CPPED1: variants seen among roughly 807,000 people sequenced by gnomAD.
CPPED1 encodes serine/threonine-protein phosphatase CPPED1.
A neutral mutation model predicts 28.0 loss-of-function variants in CPPED1; 28 were observed. That is an observed-to-expected ratio of 1.00 (90% CI 0.74 to 1.37). The LOEUF is 1.37. CPPED1 is among the 40% of genes most tolerant of loss of function. The pLI is 0.00. For missense variants in CPPED1, 504 were observed against 416.5 expected (o/e 1.21, Z -1.83); for synonymous variants, 198 against 180.2 (o/e 1.10, Z -0.79).
rs149219267 is a variant in CPPED1 at position 12,715,224 on chromosome 16, T to C, written c.290-10175A>G. On this transcript the variant is annotated intron_variant, in intron 2 of 3. Transcript: ENST00000381774. Reference sequence around the variant, plus strand: ...CTAGTAAGTTTGAAATCAGAAACTGTGAGTCTTCCAACTTTATTCTTCCTT... The same window carrying C: ...CTAGTAAGTTTGAAATCAGAAACTGCGAGTCTTCCAACTTTATTCTTCCTT... Among the ~76,000 whole-genome samples the C allele has an allele frequency of 8.5e-5, 13 of 152,328 alleles. No homozygotes were observed. The East Asian group carries it at 2.1e-3, about 25-fold the overall frequency.
intron 1 of CPPED1, among the ~76,000 whole-genome samples, chr16:12,797,518 G>A (rs2080634946): frequency 6.6e-6 from 1 of 151,886 alleles, no homozygotes; most frequent in South Asian, 2.1e-4. Flanking sequence ...TCATGCCACT[G>A]CACTCCAGCA....
At chr16:12,731,980 G>A (rs2080200240) in intron 2 of CPPED1, among the ~76,000 whole-genome samples, 2 of 151,874 alleles carry the variant, frequency 1.3e-5, no homozygotes, top group African/African-American at 4.8e-5. Context: ...CTGGCCAAAA[G>A]GGCAAAACCC....
At chr16:12,772,633 A>G (rs1051342161) in intron 2 of CPPED1, among the ~76,000 whole-genome samples, 1 of 152,174 alleles carries the variant, frequency 6.6e-6, no homozygotes, top group African/African-American at 2.4e-5. Context: ...GATGTCTGGG[A>G]CCCTTTTAAC....
rs2080067093 is a variant in CPPED1 at position 12,709,208 on chromosome 16, T to C, written c.290-4159A>G. ...GAGTTTCCTGTCTCACGCAGGGTTCTATGTTCACAAAAAGAATGTATATAA... is the reference window on the plus strand; with the variant it reads ...GAGTTTCCTGTCTCACGCAGGGTTCCATGTTCACAAAAAGAATGTATATAA... On this transcript the variant is annotated intron_variant, in intron 2 of 3. Coordinates refer to ENST00000381774, the MANE Select transcript of CPPED1 (RefSeq NM_018340.3). The surrounding 1 kb of genome is among the most constrained non-coding windows in gnomAD (Gnocchi z 4.4). Among the ~76,000 whole-genome samples, 1 of 152,088 alleles carries C rather than the reference T, an allele frequency of 6.6e-6. No homozygotes were observed. The highest frequency in any genetic ancestry group is 1.5e-5 in the Non-Finnish European group (1 of 68,026).
At chr16:12,803,602 C>T (rs938373062) in intron 1 of CPPED1, 105 bp downstream of exon 1, 2 of 1,038,298 alleles carry the variant, frequency 1.9e-6, no homozygotes, top group Non-Finnish European at 1.3e-6. Flanking sequence ...CGGTGCAGCC[C>T]CGGATGGTGT....
intron 2 of CPPED1, among the ~76,000 whole-genome samples, chr16:12,762,477 G>A (rs973887224): frequency 2.0e-5 from 3 of 152,186 alleles, no homozygotes; most frequent in Admixed American, 6.5e-5. Flanking sequence ...AGTAGTAGCA[G>A]TAGATAGATA....
At position 12,709,302 on chromosome 16, in the gene CPPED1, G is replaced by A. The variant is rs968987190; in HGVS notation, c.290-4253C>T. ...AAATGGCAAGACATGACTCAGAAGA[G>A]GGGCAGAGAAGGATTGTTCTGGGGT... On this transcript the variant is annotated intron_variant, in intron 2 of 3. Transcript: ENST00000381774. This position sits in a 1 kb window ranked among gnomAD's most constrained non-coding sequence, Gnocchi z 4.4. Among the ~76,000 whole-genome samples, 1 of 152,136 alleles carries A rather than the reference G, an allele frequency of 6.6e-6. No homozygotes were observed. Among genetic ancestry groups the A allele is most frequent in the Non-Finnish European group, 1.5e-5 (1 of 68,030 alleles).
At chr16:12,750,589 C>T (rs568014603) in intron 2 of CPPED1, among the ~76,000 whole-genome samples, 1 of 152,120 alleles carries the variant, frequency 6.6e-6, no homozygotes, top group Non-Finnish European at 1.5e-5. Flanking sequence ...TCACCGATCA[C>T]AGATCACCAT....
At chr16:12,787,822 T>C (rs2080573434) in intron 1 of CPPED1, among the ~76,000 whole-genome samples, 1 of 152,186 alleles carries the variant, frequency 6.6e-6, no homozygotes, top group South Asian at 2.1e-4. Flanking sequence ...AACCCACATT[T>C]ATTATCTTAT....
At chr16:12,713,145 T>C (rs2080088532) in intron 2 of CPPED1, among the ~76,000 whole-genome samples, 1 of 152,044 alleles carries the variant, frequency 6.6e-6, no homozygotes, top group Non-Finnish European at 1.5e-5. Context: ...TTTAAAAAAA[T>C]GTATAAAAAA....
intron 2 of CPPED1, among the ~76,000 whole-genome samples, chr16:12,740,758 T>C (rs542589779): frequency 6.6e-6 from 1 of 151,958 alleles, no homozygotes; most frequent in Non-Finnish European, 1.5e-5. Flanking sequence ...CCTAGCAGAG[T>C]GAACAGCAGG....
chr16:12,691,759 C>G (rs888661202), intron 3 of CPPED1, among the ~76,000 whole-genome samples: 2 of 134,776 alleles, frequency 1.5e-5, no homozygotes, highest in African/African-American at 2.8e-5. Context: ...GGGAATTGAA[C>G]AGTGAGAACA....
At chr16:12,697,332 A>AC (rs1462060758) in intron 3 of CPPED1, among the ~76,000 whole-genome samples, 1 of 152,168 alleles carries the variant, frequency 6.6e-6, no homozygotes, top group East Asian at 1.9e-4. Context: ...GAAGCTGATC[A>AC]CCCAATTATT....
At chr16:12,764,309 T>C (rs529543273) in intron 2 of CPPED1, among the ~76,000 whole-genome samples, 2 of 152,160 alleles carry the variant, frequency 1.3e-5, no homozygotes, top group East Asian at 3.9e-4. Context: ...GTTCAAGCGA[T>C]TCTCGTGCCT....
At chr16:12,799,897 G>C (rs1369967901) in intron 1 of CPPED1, among the ~76,000 whole-genome samples, 1 of 152,192 alleles carries the variant, frequency 6.6e-6, no homozygotes, top group Non-Finnish European at 1.5e-5. Flanking sequence ...ATTTACTCGG[G>C]GCTAAGAAAA....
chr16:12,722,373 G>A (rs1567286499), intron 2 of CPPED1, among the ~76,000 whole-genome samples: 1 of 152,226 alleles, frequency 6.6e-6, no homozygotes, highest in Non-Finnish European at 1.5e-5. Flanking sequence ...CAGGCTGCAG[G>A]GCAGCCAGAC....
chr16:12,732,529 G>A (rs1048840467), intron 2 of CPPED1, among the ~76,000 whole-genome samples: 2 of 149,250 alleles, frequency 1.3e-5, no homozygotes, highest in African/African-American at 2.5e-5. Flanking sequence ...CAGAGAGAGA[G>A]GATGAAATAA....
chr16:12,725,135 A>C (rs1416324604), intron 2 of CPPED1, among the ~76,000 whole-genome samples: 1 of 151,942 alleles, frequency 6.6e-6, no homozygotes, highest in African/African-American at 2.4e-5. Flanking sequence ...TCTGTCACCC[A>C]GGCTAGAGTG....
chr16:12,755,899 A>T (rs1157254608), intron 2 of CPPED1, among the ~76,000 whole-genome samples: 1 of 152,108 alleles, frequency 6.6e-6, no homozygotes, highest in African/African-American at 2.4e-5. Flanking sequence ...TTGGGAGGTC[A>T]AGGCGGGCGG....
Sources: gnomAD v4.1 joint callset for allele counts (sites outside exome capture counted in the v4.1 genomes callset) on GRCh38, gnomAD v4.1.1 for gene constraint, Gnocchi (gnomAD v3.1) non-coding constraint, MANE v1.5 for transcripts, NCBI Gene and HGNC (gene_info 2026-07-23, HGNC 2026-07-21) for gene names.